Variants in TRPM3 observed in about 807,000 individuals in gnomAD.
TRPM3 encodes long transient receptor potential channel 3.
In TRPM3, 77 loss-of-function variants were observed where a neutral mutation model predicts 181.2. That is an observed-to-expected ratio of 0.42 (90% confidence interval 0.35 to 0.51). TRPM3 has a LOEUF of 0.51. Ranked by LOEUF, TRPM3 falls within the 20% of genes least tolerant of loss-of-function variation. The pLI is 0.01. For missense variants in TRPM3, 1,759 were observed against 2,196.7 expected (o/e 0.80, Z 3.98); for synonymous variants, 745 against 796.4 (o/e 0.94, Z 1.09).
At chr9:71,411,528 G>T (rs936395481) in intron 1 of TRPM3, among the ~76,000 whole-genome samples, 13 of 152,110 alleles carry the variant, frequency 8.5e-5, no homozygotes, top group African/African-American at 2.9e-4. Flanking sequence ...AAAATACCTA[G>T]GAATCCAACT....
At chr9:70,665,634 C>T (rs1374722522) in intron 9 of TRPM3, among the ~76,000 whole-genome samples, 2 of 152,080 alleles carry the variant, frequency 1.3e-5, no homozygotes, top group African/African-American at 2.4e-5. Context: ...ATATGCAAAG[C>T]TGAGAAACAT....
At chr9:70,752,346 G>C (rs563871623) in intron 8 of TRPM3, among the ~76,000 whole-genome samples, 1 of 152,006 alleles carries the variant, frequency 6.6e-6, no homozygotes, top group Non-Finnish European at 1.5e-5. Flanking sequence ...ATGACGCAAG[G>C]TCAGCTAGTC....
intron 1 of TRPM3, among the ~76,000 whole-genome samples, chr9:71,274,814 CAA>C (rs1380721536): frequency 6.6e-6 from 1 of 152,192 alleles, no homozygotes; most frequent in Non-Finnish European, 1.5e-5. Flanking sequence ...TTTTGTGACA[CAA>C]ATATAACCTT....
At chr9:70,822,627 G>C (rs1360811688) in intron 6 of TRPM3, among the ~76,000 whole-genome samples, 1 of 152,094 alleles carries the variant, frequency 6.6e-6, no homozygotes, top group African/African-American at 2.4e-5. Flanking sequence ...GAGATGAATG[G>C]TGGTGATCAT....
At chr9:70,815,716 C>T (rs2092633939) in intron 6 of TRPM3, among the ~76,000 whole-genome samples, 1 of 152,072 alleles carries the variant, frequency 6.6e-6, no homozygotes, top group Non-Finnish European at 1.5e-5. Flanking sequence ...TGGAAATTAG[C>T]TCTTTGTCAT....
rs535047351 is a variant in TRPM3 at position 70,874,372 on chromosome 9, T to G, written c.178-9861A>C. ...TCTTAATAACATTGTATGGTAGATA[T>G]TATAAAATTCCAGGATACAAATAAA... On this transcript the variant is annotated intron_variant, in intron 1 of 25. Transcript: ENST00000677713. Among the ~76,000 whole-genome samples the G allele has an allele frequency of 2.3e-3, 350 of 152,060 alleles. 2 individuals are homozygous for G. Among genetic ancestry groups the G allele is most frequent in the African/African-American group, 8.1e-3 (336 of 41,506 alleles).
chr9:70,831,930 T>G (rs1374605575), intron 5 of TRPM3, among the ~76,000 whole-genome samples: 2 of 141,960 alleles, frequency 1.4e-5, no homozygotes, highest in Non-Finnish European at 3.0e-5. Flanking sequence ...TCATAGTGCA[T>G]GTCTGTATCA....
rs143718568 is a variant in TRPM3, at chr9:70,739,774, T to C, written c.1272+21827A>G. 5.3e-3 allele frequency among the ~76,000 whole-genome samples: 802 copies of C among 152,136 alleles called. 7 individuals are homozygous for C. The highest frequency in any genetic ancestry group is 0.017 in the Middle Eastern group (5 of 294). ...GTGGGATTAGAGGCACCTGCCACCA[T>C]GTCTGGTAAATTTTTGTATTTTTAG... On this transcript the variant is annotated intron_variant, in intron 8 of 25. Transcript: ENST00000677713.
chr9:71,162,821 T>C (rs553634798), intron 1 of TRPM3, among the ~76,000 whole-genome samples: 1 of 152,264 alleles, frequency 6.6e-6, no homozygotes, highest in Admixed American at 6.5e-5. Context: ...TCCAGAAAAG[T>C]ATGGTAAGCA....
At chr9:70,781,602 G>A (rs2130804311) in intron 7 of TRPM3, among the ~76,000 whole-genome samples, 1 of 152,166 alleles carries the variant, frequency 6.6e-6, no homozygotes, top group East Asian at 1.9e-4. Flanking sequence ...AGTACTATAT[G>A]AGGAACACTA....
chr9:71,065,729 T>C (rs941623621), intron 1 of TRPM3, among the ~76,000 whole-genome samples: 2 of 152,162 alleles, frequency 1.3e-5, no homozygotes, highest in Admixed American at 1.3e-4. Flanking sequence ...GTATCACATG[T>C]CTGTGCACTG....
chr9:71,389,561 G>A (rs1414814391), intron 1 of TRPM3, among the ~76,000 whole-genome samples: 3 of 152,128 alleles, frequency 2.0e-5, no homozygotes, highest in Admixed American at 6.6e-5. Flanking sequence ...ATTCACAACT[G>A]CAAAATCATG....
chr9:71,387,261 C>T (rs577080892), intron 1 of TRPM3, among the ~76,000 whole-genome samples: 11 of 152,230 alleles, frequency 7.2e-5, no homozygotes, highest in African/African-American at 1.9e-4. Context: ...GACCAAAGAA[C>T]GCCAAAGAAT....
chr9:70,540,140 T>G (rs1008535908), intron 25 of TRPM3, among the ~76,000 whole-genome samples: 1 of 152,206 alleles, frequency 6.6e-6, no homozygotes, highest in African/African-American at 2.4e-5. Context: ...ACTTGGCCAA[T>G]AAACTTTGTT....
At chr9:71,176,231 A>C (rs2077100533) in intron 1 of TRPM3, among the ~76,000 whole-genome samples, 1 of 152,110 alleles carries the variant, frequency 6.6e-6, no homozygotes, top group Admixed American at 6.6e-5. Context: ...TTATCATAGG[A>C]GATGACAGCT....
intron 1 of TRPM3, among the ~76,000 whole-genome samples, chr9:70,895,079 C>T (rs902197048): frequency 6.6e-6 from 1 of 152,134 alleles, no homozygotes; most frequent in African/African-American, 2.4e-5. Flanking sequence ...TTATATTGTA[C>T]ATGAAGGCAC....
intron 1 of TRPM3, among the ~76,000 whole-genome samples, chr9:71,316,862 G>A (rs4744628): frequency 0.71 from 107,214 of 152,024 alleles, 40,248 homozygotes; most frequent in East Asian, 0.84. Context: ...TAATCTCATC[G>A]TAAAGAAAAA....
chr9:71,004,747 T>G (rs2097655232), intron 1 of TRPM3, among the ~76,000 whole-genome samples: 1 of 151,984 alleles, frequency 6.6e-6, no homozygotes, highest in African/African-American at 2.4e-5. Context: ...TTTTGAAATA[T>G]CCAGAAACTA....
chr9:70,761,664 G>A lies in TRPM3; in HGVS notation c.1209C>T (p.Tyr403=). The change falls in exon 8 of 26, where the codon TAC becomes TAT. Residue 403 remains tyrosine (Y), a synonymous_variant. Coordinates refer to ENST00000677713, the MANE Select transcript of TRPM3 (RefSeq NM_001366145.2). ...LLVTIQKTFT[Y]TRTQAQHLFI... is the part of the protein sequence containing the mutation. ...ACAGATGCTGAGCTTGGGTTCGAGTGTATGTGAAAGTCTTCTGTATAGTCA... is the reference window on the plus strand; with the variant it reads ...ACAGATGCTGAGCTTGGGTTCGAGTATATGTGAAAGTCTTCTGTATAGTCA... The A allele has an allele frequency of 1.2e-6, 2 of 1,613,892 alleles. No homozygotes were observed. The highest frequency in any genetic ancestry group is 2.2e-5 in the South Asian group (2 of 91,090).
Sources: gnomAD v4.1 joint callset for allele counts (sites outside exome capture counted in the v4.1 genomes callset) on GRCh38, gnomAD v4.1.1 for gene constraint, MANE v1.5 for transcripts, NCBI Gene and HGNC (gene_info 2026-07-23, HGNC 2026-07-21) for gene names.